Variants in IGSF10 observed in about 807,000 individuals in gnomAD.
IGSF10 encodes the protein immunoglobulin superfamily member 10.
Under a neutral mutation model 128.2 loss-of-function variants are expected in IGSF10, and 126 were observed. The observed-to-expected ratio is 0.98, with a 90% CI of 0.85 to 1.14. The LOEUF (loss-of-function observed/expected upper bound fraction) is 1.14. IGSF10 is among the 50% of genes most tolerant of loss of function. The probability of loss-of-function intolerance (pLI) is 0.00; values close to 1 mark genes in which losing one functional copy is unlikely to be tolerated. For synonymous variants in IGSF10, 1,185 were observed against 1,146.2 expected (o/e 1.03, Z -0.68); for missense variants, 3,295 against 3,149.8 (o/e 1.05, Z -1.10).
chr3:151,530,541 G>A, the IGSF10 span, among the ~76,000 whole-genome samples: 1,173 of 152,244 alleles, frequency 7.7e-3, 13 homozygotes, highest in African/African-American at 0.027. Context: ...AGAAGAGAGT[G>A]GGGGGCAGGG....
At chr3:151,615,170 A>G in the IGSF10 span, among the ~76,000 whole-genome samples, 36 of 150,560 alleles carry the variant, frequency 2.4e-4, no homozygotes, top group Admixed American at 2.4e-3. Flanking sequence ...GTTACATTTG[A>G]TTAAAATGCA....
chr3:151,462,290 T>G (rs1722090796), upstream of IGSF10, among the ~76,000 whole-genome samples: 1 of 152,140 alleles, frequency 6.6e-6, no homozygotes, highest in African/African-American at 2.4e-5. Flanking sequence ...CAGCATTACT[T>G]TGGACTTCGT....
the IGSF10 span, among the ~76,000 whole-genome samples, chr3:151,528,645 T>C: frequency 6.6e-6 from 1 of 152,210 alleles, no homozygotes. Context: ...CATGAGAGAC[T>C]GTACCGGGAG....
rs1373301951 is a variant in IGSF10, at chr3:151,436,545, A to ACAAGT, written c.*139_*143dup. The ACAAGT allele has an allele frequency of 2.6e-5, 16 of 606,626 alleles. No individual in the cohort carries two copies. The highest frequency in any genetic ancestry group is 4.2e-5 in the Non-Finnish European group (15 of 354,048). The allele number at this position is 606,626 out of a possible 1,614,324, so 37.6% of individuals were successfully genotyped here. On this transcript the variant is annotated 3_prime_UTR_variant, in exon 8 of 8. Transcript: ENST00000282466. ...TCATCAGTTCATAATGCATTTATTT[A>ACAAGT]CAAGTCCTTTTATTTTGCATGTTCA...
the IGSF10 span, among the ~76,000 whole-genome samples, chr3:151,523,380 C>T: frequency 3.9e-5 from 6 of 152,106 alleles, no homozygotes; most frequent in Admixed American, 3.9e-4. Context: ...GTAAAATGAA[C>T]AGAAGCTGGA....
the IGSF10 span, among the ~76,000 whole-genome samples, chr3:151,490,406 G>A: frequency 6.6e-6 from 1 of 151,972 alleles, no homozygotes; most frequent in African/African-American, 2.4e-5. Context: ...GGGAGACATA[G>A]ACAGCAATAC....
the IGSF10 span, among the ~76,000 whole-genome samples, chr3:151,472,452 T>G: frequency 6.6e-6 from 1 of 152,110 alleles, no homozygotes; most frequent in African/African-American, 2.4e-5. Context: ...TTAAATAAGG[T>G]GCTACCAATG....
At chr3:151,558,010 A>ATATATAATATATATATTATATATATATAT in the IGSF10 span, among the ~76,000 whole-genome samples, 1 of 25,704 alleles carries the variant, frequency 3.9e-5, no homozygotes, top group African/African-American at 2.2e-4. Context: ...TATATAATAT[A>ATATATAATATATATATTATATATATATAT]TATATATAAT....
In IGSF10 at chr3:151,445,604, G is replaced by T. The variant is rs768165983; in HGVS notation, c.4377C>A (p.His1459Gln). The T allele has an allele frequency of 6.2e-7, 1 of 1,614,196 alleles. No homozygotes were observed. Among genetic ancestry groups the T allele is most frequent in the Non-Finnish European group, 8.5e-7 (1 of 1,180,012 alleles). Residue 1459 changes from histidine (H) to glutamine (Q), a missense_variant, in exon 6 of 8, where the codon CAC becomes CAA. His to Gln is a conservative substitution (Grantham distance 24). Coordinates refer to ENST00000282466, the MANE Select transcript of IGSF10 (RefSeq NM_178822.5). The part of the protein sequence containing the change: ...STTTRKAIIR[H>Q]STIPPFLSSS... The stretch of plus-strand genomic sequence containing the variant: ...TGCTCAAGAATGGTGGTATGGTTGA[G>T]TGTCTAATGATTGCTTTCCTAGTTG...
At chr3:151,504,730 T>A in the IGSF10 span, among the ~76,000 whole-genome samples, 1 of 152,228 alleles carries the variant, frequency 6.6e-6, no homozygotes, top group African/African-American at 2.4e-5. Context: ...GTATACAGAC[T>A]GTAGTCTACT....
At chr3:151,514,351 GA>G in the IGSF10 span, among the ~76,000 whole-genome samples, 1 of 152,086 alleles carries the variant, frequency 6.6e-6, no homozygotes, top group Non-Finnish European at 1.5e-5. Flanking sequence ...ACAAACCTGA[GA>G]AAAACAAGCA....
At chr3:151,476,261 C>T in the IGSF10 span, 1 of 152,162 alleles carries the variant, frequency 6.6e-6, no homozygotes, top group African/African-American at 2.4e-5. Context: ...ATTTTCATCC[C>T]TTGACGATTC....
chr3:151,515,747 G>A, the IGSF10 span, among the ~76,000 whole-genome samples: 1 of 118,204 alleles, frequency 8.5e-6, no homozygotes, highest in African/African-American at 3.1e-5. Context: ...GTGTGTGTGT[G>A]TGTGTTTGTG....
the IGSF10 span, among the ~76,000 whole-genome samples, chr3:151,609,168 C>A: frequency 1.8e-4 from 27 of 151,986 alleles, no homozygotes; most frequent in Admixed American, 5.2e-4. Context: ...GAGATGTTTC[C>A]AGAGATAGGA....
the IGSF10 span, among the ~76,000 whole-genome samples, chr3:151,546,771 C>A: frequency 1.3e-5 from 2 of 151,862 alleles, no homozygotes; most frequent in Admixed American, 6.6e-5. Context: ...TTCTTTTCTC[C>A]ATATTTCTTT....
At chr3:151,456,580 T>C (rs565830865) in intron 4 of IGSF10, among the ~76,000 whole-genome samples, 1 of 152,320 alleles carries the variant, frequency 6.6e-6, no homozygotes, top group Admixed American at 6.5e-5. Flanking sequence ...ATTTTATGCA[T>C]TCTTGGGAGT....
At chr3:151,538,880 G>A in the IGSF10 span, among the ~76,000 whole-genome samples, 1 of 152,106 alleles carries the variant, frequency 6.6e-6, no homozygotes, top group Non-Finnish European at 1.5e-5. Context: ...AAAAAGAAAA[G>A]GTTTTAGAAC....
chr3:151,580,343 T>C, the IGSF10 span, among the ~76,000 whole-genome samples: 1 of 152,024 alleles, frequency 6.6e-6, no homozygotes. Flanking sequence ...GGAAGTTCTT[T>C]AGGCAAAAGA....
At chr3:151,449,306 T>C (rs1335851743) in intron 5 of IGSF10, 41 bp from the exon 6 acceptor site, 3 of 1,481,734 alleles carry the variant, frequency 2.0e-6, no homozygotes, top group Non-Finnish European at 2.7e-6. Context: ...TGTGACCTCT[T>C]TATGAATTGA....
Sources: allele counts gnomAD v4.1 joint callset (sites outside exome capture counted in the v4.1 genomes callset), GRCh38; gene constraint gnomAD v4.1.1; transcripts MANE v1.5; gene names NCBI Gene and HGNC (gene_info 2026-07-23, HGNC 2026-07-21).